ROBO2: variants seen among roughly 807,000 people sequenced by gnomAD.
ROBO2 encodes the protein roundabout guidance receptor 2.
Under a neutral mutation model 160.8 loss-of-function variants are expected in ROBO2, and 53 were observed. The observed-to-expected ratio is 0.33, with a 90% CI of 0.26 to 0.41. ROBO2 has a LOEUF of 0.41. Among genes scored for constraint, ROBO2 ranks in the 10% least tolerant of loss-of-function variants. The pLI is 1.00. For missense variants in ROBO2, 1,577 were observed against 1,722.4 expected, an observed-to-expected ratio of 0.92 and a Z score of 1.49; for synonymous variants, 664 against 611.7, an observed-to-expected ratio of 1.09 and a Z score of -1.26.
At chr3:76,463,019 C>T (rs1460404273) in intron 2 of ROBO2, among the ~76,000 whole-genome samples, 1 of 152,016 alleles carries the variant, frequency 6.6e-6, no homozygotes, top group East Asian at 1.9e-4. Flanking sequence ...TTGCCCATCA[C>T]CGCATTACAT....
intron 2 of ROBO2, among the ~76,000 whole-genome samples, chr3:76,823,572 C>T (rs989900508): frequency 1.3e-5 from 2 of 152,078 alleles, no homozygotes; most frequent in African/African-American, 4.8e-5. Context: ...GTAGAGATTG[C>T]TTCAAATCAG....
chr3:77,518,426 T>G (rs1386549010), intron 5 of ROBO2, among the ~76,000 whole-genome samples: 1 of 151,492 alleles, frequency 6.6e-6, no homozygotes, highest in Non-Finnish European at 1.5e-5. Context: ...TTTAAAAGAT[T>G]GTGAGCATTT....
chr3:77,025,176 T>C (rs781038611), intron 2 of ROBO2, among the ~76,000 whole-genome samples: 1 of 152,206 alleles, frequency 6.6e-6, no homozygotes, highest in Non-Finnish European at 1.5e-5. Flanking sequence ...GTTATTTCTT[T>C]CAATTTTTAT....
chr3:76,657,582 T>TAA (rs1449666052), intron 2 of ROBO2, among the ~76,000 whole-genome samples: 1 of 146,870 alleles, frequency 6.8e-6, no homozygotes, highest in Non-Finnish European at 1.5e-5. Context: ...CCTGCCTCTC[T>TAA]AAAAAAAATA....
intron 2 of ROBO2, among the ~76,000 whole-genome samples, chr3:76,786,784 A>T (rs1211940378): frequency 6.6e-6 from 1 of 151,366 alleles, no homozygotes; most frequent in Non-Finnish European, 1.5e-5. Flanking sequence ...CAACTCTTCA[A>T]TTATGTAGCT....
intron 2 of ROBO2, among the ~76,000 whole-genome samples, chr3:76,919,309 T>C (rs1046841371): frequency 6.6e-6 from 1 of 152,322 alleles, no homozygotes; most frequent in South Asian, 2.1e-4. Context: ...ATGATACAAT[T>C]GCTCTGAAAT....
chr3:76,980,101 G>A (rs1043985756), intron 2 of ROBO2, among the ~76,000 whole-genome samples: 22 of 152,276 alleles, frequency 1.4e-4, no homozygotes, highest in African/African-American at 4.8e-4. Flanking sequence ...AAGTGGTGAA[G>A]CTTAGTAAAA....
intron 2 of ROBO2, among the ~76,000 whole-genome samples, chr3:76,633,084 TTCAAAG>T (rs2090122638): frequency 6.6e-6 from 1 of 152,162 alleles, no homozygotes; most frequent in African/African-American, 2.4e-5. Context: ...AACCCATACT[TTCAAAG>T]TAAGAATTGC....
At chr3:77,119,326 CAT>C (rs2074514216) in intron 2 of ROBO2, among the ~76,000 whole-genome samples, 1 of 152,126 alleles carries the variant, frequency 6.6e-6, no homozygotes, top group Non-Finnish European at 1.5e-5. Flanking sequence ...TGCACCTAAA[CAT>C]GTGTAAACGC....
At chr3:76,072,602 G>A (rs1027484399) in intron 2 of ROBO2, among the ~76,000 whole-genome samples, 2 of 151,954 alleles carry the variant, frequency 1.3e-5, no homozygotes, top group Non-Finnish European at 2.9e-5. Flanking sequence ...AACTCCTCTT[G>A]TATCAGCACA....
intron 20 of ROBO2, 157 bp downstream of exon 21, chr3:77,602,648 TACC>T (rs1271360786): frequency 2.7e-5 from 23 of 866,044 alleles, no homozygotes; most frequent in Non-Finnish European, 3.4e-5. Flanking sequence ...GAGTAATTCC[TACC>T]ACCACCACCG....
At chr3:77,426,928 T>C (rs1053948647) in intron 2 of ROBO2, among the ~76,000 whole-genome samples, 18 of 152,222 alleles carry the variant, frequency 1.2e-4, no homozygotes, top group Admixed American at 3.9e-4. Flanking sequence ...AGAATTTGCA[T>C]TGAAAATCTG....
At chr3:77,353,475 A>G (rs1321664018) in intron 2 of ROBO2, among the ~76,000 whole-genome samples, 1 of 152,162 alleles carries the variant, frequency 6.6e-6, no homozygotes, top group Non-Finnish European at 1.5e-5. Flanking sequence ...TTGGTATCTA[A>G]TTAGTCAGTA....
At chr3:76,136,674 C>T (rs1163489844) in intron 2 of ROBO2, among the ~76,000 whole-genome samples, 1 of 151,278 alleles carries the variant, frequency 6.6e-6, no homozygotes, top group Non-Finnish European at 1.5e-5. Context: ...ATTACAACTT[C>T]AAAATATTTA....
chr3:77,406,238 A>C (rs2076244531), intron 2 of ROBO2, among the ~76,000 whole-genome samples: 1 of 152,164 alleles, frequency 6.6e-6, no homozygotes, highest in East Asian at 1.9e-4. Context: ...TGAGACGAGC[A>C]TGGGGGAAAC....
At chr3:76,498,516 A>C (rs1184971209) in intron 2 of ROBO2, among the ~76,000 whole-genome samples, 1 of 151,868 alleles carries the variant, frequency 6.6e-6, no homozygotes, top group Non-Finnish European at 1.5e-5. Context: ...CTGTATTTAG[A>C]AATTATATAA....
chr3:76,563,595 T>C (rs1042056612), intron 2 of ROBO2, among the ~76,000 whole-genome samples: 14 of 152,184 alleles, frequency 9.2e-5, no homozygotes, highest in African/African-American at 3.4e-4. Flanking sequence ...TACTCATCAA[T>C]TGTTTATCTG....
intron 2 of ROBO2, among the ~76,000 whole-genome samples, chr3:76,142,950 A>AAAAAT (rs1332423135): frequency 2.6e-5 from 4 of 151,912 alleles, no homozygotes; most frequent in African/African-American, 9.7e-5. Context: ...CCACAAAAAT[A>AAAAAT]AAAATAAAAA....
intron 2 of ROBO2, among the ~76,000 whole-genome samples, chr3:76,369,653 T>C (rs918809176): frequency 1.3e-5 from 2 of 151,868 alleles, no homozygotes; most frequent in Non-Finnish European, 2.9e-5. Context: ...ATTAGGTCAG[T>C]CATGTTCTAA....
Sources: gnomAD v4.1 joint callset for allele counts (sites outside exome capture counted in the v4.1 genomes callset) on GRCh38, gnomAD v4.1.1 for gene constraint, MANE v1.5 for transcripts, NCBI Gene and HGNC (gene_info 2026-07-23, HGNC 2026-07-21) for gene names.